ATXN1: variants seen among roughly 807,000 people sequenced by gnomAD.
ATXN1 encodes the protein ataxin 1, also known as ataxin-1.
ATXN1 carries 8 observed loss-of-function variants against 56.4 expected under a neutral mutation model. That is an observed-to-expected ratio of 0.14 (90% CI 0.08 to 0.26). The LOEUF (loss-of-function observed/expected upper bound fraction) is 0.26. ATXN1 is among the 10% of genes least tolerant of loss of function. ATXN1 has a pLI of 1.00. For missense variants in ATXN1, 987 were observed against 1,106.5 expected (o/e 0.89, Z 1.53); for synonymous variants, 514 against 494.6 (o/e 1.04, Z -0.52).
At chr6:16,383,557 G>T (rs1475319442) in intron 6 of ATXN1, among the ~76,000 whole-genome samples, 1 of 152,060 alleles carries the variant, frequency 6.6e-6, no homozygotes, top group African/African-American at 2.4e-5. Flanking sequence ...AATATAAGTT[G>T]CCCTTCCCCA....
At chr6:16,651,319 C>A (rs1353678761) in intron 3 of ATXN1, among the ~76,000 whole-genome samples, 1 of 152,056 alleles carries the variant, frequency 6.6e-6, no homozygotes, top group Admixed American at 6.6e-5. Flanking sequence ...CTTAGGCAGG[C>A]GGATCATGAG....
Position 16,664,284 on chromosome 6 carries a change from G to C in ATXN1, c.-614-6383C>G, listed in dbSNP as rs188726375. Among the ~76,000 whole-genome samples the C allele has an allele frequency of 3.8e-3, 576 of 152,304 alleles. 5 individuals carry two copies. Among genetic ancestry groups the C allele is most frequent in the African/African-American group, 0.013 (560 of 41,562 alleles). On this transcript the variant is annotated intron_variant, in intron 2 of 7. Transcript: ENST00000436367. ...AATGGCATAATACAATGAATGAAGA[G>C]TATGTTTTTTTAAGAAAGTCAATCA...
chr6:16,487,966 TTC>T (rs1256998160), intron 5 of ATXN1, among the ~76,000 whole-genome samples: 3 of 152,212 alleles, frequency 2.0e-5, no homozygotes, highest in African/African-American at 4.8e-5. Flanking sequence ...GTTCTGTTAT[TTC>T]TCTCTTTTTT....
At chr6:16,608,134 C>A (rs896847091) in intron 3 of ATXN1, among the ~76,000 whole-genome samples, 1 of 152,190 alleles carries the variant, frequency 6.6e-6, no homozygotes, top group Non-Finnish European at 1.5e-5. Flanking sequence ...ATCTGTTCCA[C>A]GCAACCCTGG....
intron 3 of ATXN1, among the ~76,000 whole-genome samples, chr6:16,612,102 G>A (rs557656432): frequency 1.4e-4 from 22 of 151,888 alleles, no homozygotes; most frequent in South Asian, 8.3e-4. Context: ...CTCATGATGC[G>A]CCTGCCTCAG....
chr6:16,712,221 A>G (rs562291251), intron 2 of ATXN1, among the ~76,000 whole-genome samples: 1 of 152,114 alleles, frequency 6.6e-6, no homozygotes, highest in Non-Finnish European at 1.5e-5. Context: ...CTAAATAGAA[A>G]CTAATTTATT....
At chr6:16,439,126 A>G (rs2113593829) in intron 6 of ATXN1, among the ~76,000 whole-genome samples, 1 of 152,084 alleles carries the variant, frequency 6.6e-6, no homozygotes, top group East Asian at 1.9e-4. Context: ...AACCTACACT[A>G]TAAGAAGCAC....
At chr6:16,655,279 G>C (rs967670826) in intron 3 of ATXN1, among the ~76,000 whole-genome samples, 2 of 152,212 alleles carry the variant, frequency 1.3e-5, no homozygotes, top group African/African-American at 4.8e-5. Flanking sequence ...CCAGCACTTT[G>C]AGAGGCCAAG....
At chr6:16,694,270 A>ATTTTT (rs1759112289) in intron 2 of ATXN1, among the ~76,000 whole-genome samples, 1 of 141,272 alleles carries the variant, frequency 7.1e-6, no homozygotes, top group African/African-American at 2.6e-5. Context: ...TTTTTTTTTA[A>ATTTTT]GAGACGGAGT....
chr6:16,752,704 C>T (rs1455768005), intron 2 of ATXN1, among the ~76,000 whole-genome samples: 1 of 152,184 alleles, frequency 6.6e-6, no homozygotes, highest in Non-Finnish European at 1.5e-5. Context: ...CCATTGCATA[C>T]ACCCTATGTC....
At chr6:16,583,759 G>C (rs971297991) in intron 4 of ATXN1, among the ~76,000 whole-genome samples, 1 of 152,198 alleles carries the variant, frequency 6.6e-6, no homozygotes, top group African/African-American at 2.4e-5. Context: ...TTGAAAACTT[G>C]AATCAGGAAG....
At chr6:16,581,172 A>G (rs1392307376) in intron 4 of ATXN1, among the ~76,000 whole-genome samples, 1 of 151,112 alleles carries the variant, frequency 6.6e-6, no homozygotes, top group Non-Finnish European at 1.5e-5. Context: ...TGAAGGGGAA[A>G]AGACCCCATG....
chr6:16,489,246 T>C (rs1005893437), intron 5 of ATXN1, among the ~76,000 whole-genome samples: 1 of 152,306 alleles, frequency 6.6e-6, no homozygotes. Context: ...TTAACTTAAA[T>C]GATCCATATC....
At chr6:16,526,828 A>C (rs1307300129) in intron 4 of ATXN1, among the ~76,000 whole-genome samples, 1 of 152,052 alleles carries the variant, frequency 6.6e-6, no homozygotes, top group Non-Finnish European at 1.5e-5. Context: ...CTCAATTTTA[A>C]AGACTCGGGA....
intron 4 of ATXN1, among the ~76,000 whole-genome samples, chr6:16,541,254 C>T (rs1457116108): frequency 1.3e-5 from 2 of 152,186 alleles, no homozygotes; most frequent in African/African-American, 4.8e-5. Flanking sequence ...GGACACCTGA[C>T]CCAGCCCTGA....
intron 5 of ATXN1, among the ~76,000 whole-genome samples, chr6:16,517,408 T>C (rs1184885088): frequency 6.6e-6 from 1 of 152,228 alleles, no homozygotes. Context: ...TTAAAATGTA[T>C]CTTGTAAGGT....
intron 6 of ATXN1, among the ~76,000 whole-genome samples, chr6:16,484,947 A>ATATGTGTGTGTG (rs1554109743): frequency 7.9e-6 from 1 of 126,054 alleles, no homozygotes; most frequent in East Asian, 2.3e-4. Flanking sequence ...CTAAATATAT[A>ATATGTGTGTGTG]TGTGTGTGTG....
In ATXN1 at chr6:16,742,217, G is replaced by A. The variant is rs1246156764; in HGVS notation, c.-615+11016C>T. Among the ~76,000 whole-genome samples the A allele has an allele frequency of 4.6e-5, 7 of 152,146 alleles. No homozygotes were observed. In the East Asian group the frequency reaches 1.4e-3, roughly 29 times the overall value. On this transcript the variant is annotated intron_variant, in intron 2 of 7. Transcript: ENST00000436367. ...AAACAAAACTGCTATCTTTTGAAAA[G>A]TATCAGATCAGACACCAGAAAGGCA...
At chr6:16,550,020 G>A (rs1761890038) in intron 4 of ATXN1, among the ~76,000 whole-genome samples, 1 of 151,402 alleles carries the variant, frequency 6.6e-6, no homozygotes, top group Non-Finnish European at 1.5e-5. Flanking sequence ...GGGGACTGGG[G>A]TGGGGAGGGG....
Sources: allele counts gnomAD v4.1 joint callset (sites outside exome capture counted in the v4.1 genomes callset), GRCh38; gene constraint gnomAD v4.1.1; transcripts MANE v1.5; gene names NCBI Gene and HGNC (gene_info 2026-07-23, HGNC 2026-07-21).